GRM7: variants seen among roughly 807,000 people sequenced by gnomAD.
GRM7 encodes the protein glutamate metabotropic receptor 7, also known as metabotropic glutamate receptor 7.
Under a neutral mutation model 84.5 loss-of-function variants are expected in GRM7, and 35 were observed. That is an observed-to-expected ratio of 0.41 (90% CI 0.32 to 0.55). GRM7 has a LOEUF of 0.55. Among genes scored for constraint, GRM7 ranks in the 20% least tolerant of loss-of-function variants. The pLI is 0.19. For synonymous variants in GRM7, 487 were observed against 455.1 expected, an observed-to-expected ratio of 1.07 and a Z score of -0.89; for missense variants, 1,003 against 1,194.6, an observed-to-expected ratio of 0.84 and a Z score of 2.36.
chr3:7,360,112 C>T (rs1693592948), intron 4 of GRM7, among the ~76,000 whole-genome samples: 1 of 143,242 alleles, frequency 7.0e-6, no homozygotes, highest in South Asian at 2.2e-4. Flanking sequence ...AAGGGTATCT[C>T]TTTCTCCCCC....
intron 4 of GRM7, among the ~76,000 whole-genome samples, chr3:7,348,511 G>A (rs1024777070): frequency 1.3e-5 from 2 of 152,016 alleles, no homozygotes; most frequent in Non-Finnish European, 2.9e-5. Flanking sequence ...TTGGGATAAT[G>A]ATAGCTGCTT....
intron 7 of GRM7, among the ~76,000 whole-genome samples, chr3:7,468,267 C>T (rs79626660): frequency 0.02 from 3,015 of 152,298 alleles, 66 homozygotes; most frequent in South Asian, 0.051. Flanking sequence ...TCAGCTTCAA[C>T]TTGAAGGCTT....
intron 8 of GRM7, among the ~76,000 whole-genome samples, chr3:7,669,632 A>C (rs1028272775): frequency 6.6e-6 from 1 of 152,318 alleles, no homozygotes; most frequent in Middle Eastern, 3.4e-3. Context: ...AATTCAGAGG[A>C]GGTCAGGGGA....
chr3:7,479,847 A>T (rs984353521), intron 7 of GRM7, among the ~76,000 whole-genome samples: 1 of 152,108 alleles, frequency 6.6e-6, no homozygotes, highest in African/African-American at 2.4e-5. Flanking sequence ...CTGACTCTCC[A>T]TCTGTAACAG....
intron 1 of GRM7, among the ~76,000 whole-genome samples, chr3:6,872,117 T>C (rs937055942): frequency 6.6e-6 from 1 of 152,086 alleles, no homozygotes; most frequent in Non-Finnish European, 1.5e-5. Flanking sequence ...TTGGGAGGTA[T>C]GAAAGATCCA....
intron 4 of GRM7, among the ~76,000 whole-genome samples, chr3:7,311,763 A>G (rs113187063): frequency 1.3e-5 from 2 of 151,444 alleles, no homozygotes; most frequent in Non-Finnish European, 2.9e-5. Flanking sequence ...CCTGGCTAAT[A>G]TTTGTATTTT....
intron 4 of GRM7, among the ~76,000 whole-genome samples, chr3:7,365,647 G>GTATATATATATATATACATATA (rs1693851110): frequency 7.7e-6 from 1 of 130,056 alleles, no homozygotes; most frequent in Non-Finnish European, 1.7e-5. Flanking sequence ...GTGCGTGTGT[G>GTATATATATATATATACATATA]TATATATATA....
At chr3:7,300,533 C>T (rs67921811) in intron 3 of GRM7, among the ~76,000 whole-genome samples, 55,154 of 152,010 alleles carry the variant, frequency 0.36, 10,867 homozygotes, top group Middle Eastern at 0.48. Flanking sequence ...CTTCGGAGTT[C>T]TTTTTCGGGA....
intron 2 of GRM7, among the ~76,000 whole-genome samples, chr3:7,215,086 T>G (rs1324772219): frequency 6.6e-6 from 1 of 152,172 alleles, no homozygotes; most frequent in Non-Finnish European, 1.5e-5. Flanking sequence ...GATGACAAGG[T>G]GGTGACATAT....
In GRM7 at chr3:7,107,488, T is replaced by C. The variant is rs17046788; in HGVS notation, c.520-38964T>C. Among the ~76,000 whole-genome samples the C allele has an allele frequency of 5.5e-3, 831 of 152,166 alleles. 9 individuals carry two copies. Among genetic ancestry groups the C allele is most frequent in the African/African-American group, 0.019 (795 of 41,552 alleles). On this transcript the variant is annotated intron_variant, in intron 1 of 9. Transcript: ENST00000357716. Reference sequence around the variant, plus strand: ...TTCTATGAGTAATATAACAAAGATGTGTACCAGATAGGACATTAGCCCCAG... The same window carrying C: ...TTCTATGAGTAATATAACAAAGATGCGTACCAGATAGGACATTAGCCCCAG...
At position 7,080,819 on chromosome 3, in the gene GRM7, C is replaced by CT. The variant is rs555964348; in HGVS notation, c.520-65628dup. 3.5e-3 allele frequency among the ~76,000 whole-genome samples: 534 copies of CT among 152,000 alleles called. 5 individuals carry two copies. Among genetic ancestry groups the CT allele is most frequent in the African/African-American group, 0.012 (510 of 41,516 alleles). On this transcript the variant is annotated intron_variant, in intron 1 of 9. Transcript: ENST00000357716. ...TCCTCTGGCAGATTATAAATAAGGA[C>CT]TTTTTAAAAAAATCATTCTTGCGTG...
intron 9 of GRM7, among the ~76,000 whole-genome samples, chr3:7,706,220 T>C (rs970828399): frequency 6.6e-6 from 1 of 152,220 alleles, no homozygotes. Flanking sequence ...CCAAATTCAC[T>C]TGATTGTATT....
Position 7,535,555 on chromosome 3 carries a change from A to G in GRM7, c.1516-42867A>G, listed in dbSNP as rs1029090174. Among the ~76,000 whole-genome samples the G allele has an allele frequency of 2.0e-5, 3 of 152,180 alleles. No individual in the cohort carries two copies. In the South Asian group the frequency reaches 6.2e-4, roughly 31 times the overall value. ...CCTGGCTTCCTCCATAATTCAACTG[A>G]CAGATCTTCCAATTACTGCCTTTGC... On this transcript the variant is annotated intron_variant, in intron 7 of 9. Transcript: ENST00000357716.
chr3:7,681,003 C>T (rs1168242537), intron 9 of GRM7: 1 of 152,110 alleles, frequency 6.6e-6, no homozygotes, highest in African/African-American at 2.4e-5. Context: ...TGCAAATGTC[C>T]CCAGGTAAAA....
rs370964340 is a variant in GRM7, at chr3:6,924,780, C to A, written c.519+62873C>A. Among the ~76,000 whole-genome samples, 25 of 152,216 alleles carry A rather than the reference C, an allele frequency of 1.6e-4. No individual in the cohort carries two copies. The East Asian group carries it at 3.5e-3, about 21-fold the overall frequency. On this transcript the variant is annotated intron_variant, in intron 1 of 9. Transcript: ENST00000357716. ...TATGTTAGCATTAAAAGCATATCTC[C>A]AACACAATGTCAGTAGAAGGGATGG... is the stretch of plus-strand genomic sequence containing the variant.
intron 7 of GRM7, among the ~76,000 whole-genome samples, chr3:7,494,516 T>C (rs1415527676): frequency 1.3e-5 from 2 of 152,216 alleles, no homozygotes; most frequent in Non-Finnish European, 2.9e-5. Flanking sequence ...TTGGAAAGTG[T>C]CCAGCCATTA....
chr3:7,143,978 T>C (rs1254121419), intron 1 of GRM7, among the ~76,000 whole-genome samples: 1 of 152,174 alleles, frequency 6.6e-6, no homozygotes, highest in Non-Finnish European at 1.5e-5. Context: ...ATCTCCAAAC[T>C]ACAATCGACA....
rs959556348 is a variant in GRM7 at position 7,253,835 on chromosome 3, T to C, written c.737-44849T>C. On this transcript the variant is annotated intron_variant, in intron 2 of 9. Transcript: ENST00000357716. ...TTAAACTGTTCTGAATGATCTTTTA[T>C]GCATATATGCATGGATTTTGCGCAT... is the stretch of plus-strand genomic sequence containing the variant. 2.0e-5 allele frequency among the ~76,000 whole-genome samples: 3 copies of C among 152,156 alleles called. No homozygotes were observed. In the East Asian group the frequency reaches 5.8e-4, roughly 29 times the overall value.
intron 7 of GRM7, among the ~76,000 whole-genome samples, chr3:7,547,561 C>T (rs1693225774): frequency 6.6e-6 from 1 of 152,126 alleles, no homozygotes; most frequent in East Asian, 1.9e-4. Context: ...TAAGAATGTG[C>T]TATGGTGCTT....
Sources: allele counts gnomAD v4.1 joint callset (sites outside exome capture counted in the v4.1 genomes callset), GRCh38; gene constraint gnomAD v4.1.1; transcripts MANE v1.5; gene names NCBI Gene and HGNC (gene_info 2026-07-23, HGNC 2026-07-21).